WDR59: variants seen among roughly 807,000 people sequenced by gnomAD.
WDR59 encodes the protein GATOR2 complex protein WDR59.
In WDR59, 100 loss-of-function variants were observed where a neutral mutation model predicts 131.2. The ratio of observed to expected loss-of-function variants is 0.76; its 90% CI spans 0.65 to 0.90. WDR59 has a LOEUF of 0.90. Ranked by LOEUF, WDR59 falls within the 40% of genes least tolerant of loss-of-function variation. WDR59 has a pLI of 0.00. For synonymous variants in WDR59, 601 were observed against 466.2 expected, an observed-to-expected ratio of 1.29 and a Z score of -3.72; for missense variants, 1,203 against 1,262.2, an observed-to-expected ratio of 0.95 and a Z score of 0.71.
At position 74,873,320 on chromosome 16, in the gene WDR59, C is replaced by T. The variant is rs1261552320; in HGVS notation, c.*889G>A. The T allele has an allele frequency of 1.3e-5, 2 of 152,302 alleles. No individual in the cohort carries two copies. The highest frequency in any genetic ancestry group is 2.9e-5 in the Non-Finnish European group (2 of 68,120). The allele number at this position is 152,302 out of a possible 1,614,324, so 9.4% of individuals were successfully genotyped here. ...TTTTGCCTTCTAAAGTGTGGGATTACAGGCATGAGCCATGGGGCCTGGCCA... is the reference window on the plus strand; with the variant it reads ...TTTTGCCTTCTAAAGTGTGGGATTATAGGCATGAGCCATGGGGCCTGGCCA... On this transcript the variant is annotated 3_prime_UTR_variant, in exon 26 of 26. Coordinates refer to ENST00000262144, the MANE Select transcript of WDR59 (RefSeq NM_030581.4).
At chr16:74,942,175 G>A (rs948920960) in intron 7 of WDR59, among the ~76,000 whole-genome samples, 3 of 152,134 alleles carry the variant, frequency 2.0e-5, no homozygotes, top group African/African-American at 2.4e-5. Context: ...AGGTGTCCAT[G>A]GGCTGCTGCA....
At chr16:74,924,803 T>C (rs1597726079) in intron 8 of WDR59, among the ~76,000 whole-genome samples, 3 of 152,194 alleles carry the variant, frequency 2.0e-5, no homozygotes, top group South Asian at 4.1e-4. Flanking sequence ...CTTTTTTTAA[T>C]AGAGATGGGA....
In WDR59 at chr16:74,909,913, A is replaced by C; in HGVS notation, c.1394T>G (p.Leu465Arg). 1 of 1,605,728 alleles carries C rather than the reference A, an allele frequency of 6.2e-7. No individual in the cohort carries two copies. Among genetic ancestry groups the C allele is most frequent in the Non-Finnish European group, 8.5e-7 (1 of 1,176,668 alleles). ...CACTTTCTGCAGGGCTGTGTCCTTC[A>C]GGATCTAGAAAAGGCCCAAAACACA... ...STMKAKLLKI[L>R]KDTALQKVKR... is the part of the protein sequence containing the mutation. Residue 465 changes from leucine to arginine, a missense_variant, in exon 15 of 26, where the codon CTG becomes CGG. By Grantham distance (102) the Leu-to-Arg change is moderately radical. Transcript: ENST00000262144.
intron 10 of WDR59, among the ~76,000 whole-genome samples, chr16:74,921,274 C>CT (rs1452196795): frequency 6.6e-6 from 1 of 151,752 alleles, no homozygotes; most frequent in Non-Finnish European, 1.5e-5. Context: ...AGGCCCCAGT[C>CT]TTTATTATTC....
At chr16:74,918,091 T>C in intron 10 of WDR59, 83 bp from the exon 11 acceptor site, 3 of 1,357,912 alleles carry the variant, frequency 2.2e-6, no homozygotes, top group South Asian at 2.4e-5. Flanking sequence ...GTGAGATTCA[T>C]CCATCCATTC....
intron 9 of WDR59, among the ~76,000 whole-genome samples, chr16:74,923,079 A>T (rs1267935517): frequency 6.6e-6 from 1 of 152,240 alleles, no homozygotes; most frequent in Non-Finnish European, 1.5e-5. Context: ...AAGCACATTC[A>T]TATAAGTTAT....
At chr16:74,909,076 C>T in intron 16 of WDR59, 99 bp from the exon 17 acceptor site, 1 of 1,021,918 alleles carries the variant, frequency 9.8e-7, no homozygotes, top group South Asian at 1.4e-5. Context: ...CTCTGTACAC[C>T]TGAGGGTAAG....
At chr16:74,883,830 C>A (rs1292992766) in intron 25 of WDR59, among the ~76,000 whole-genome samples, 1 of 152,182 alleles carries the variant, frequency 6.6e-6, no homozygotes, top group Non-Finnish European at 1.5e-5. Context: ...GAATGCCATC[C>A]ACATGCTGGG....
intron 8 of WDR59, among the ~76,000 whole-genome samples, chr16:74,925,510 C>G (rs931142036): frequency 2.7e-5 from 4 of 148,650 alleles, no homozygotes; most frequent in Admixed American, 1.4e-4. Flanking sequence ...CAACACTGCA[C>G]TCCAGCCTGG....
rs750417210 is a variant in WDR59, at chr16:74,938,261, G to C, written c.540C>G (p.Pro180=). The change falls in exon 8 of 26, where the codon CCC becomes CCG. Residue 180 remains proline (P), a synonymous_variant. Transcript: ENST00000262144. ...CGGCTAGATATTCCACTGCTGTACT[G>C]GGTTTCTGCAACAGATCAGCACCTA... ...GDVRIWDKRK[P]STAVEYLAAH... 5.2e-6 allele frequency: 8 copies of C among 1,531,518 alleles called. No individual in the cohort carries two copies. Among genetic ancestry groups the C allele is most frequent in the Non-Finnish European group, 7.0e-6 (8 of 1,138,428 alleles). The allele number at this position is 1,531,518 out of a possible 1,614,324, so 94.9% of individuals were successfully genotyped here.
In WDR59 at chr16:74,915,993, G is replaced by T. The variant is rs919248768; in HGVS notation, c.1101C>A (p.Ala367=). The T allele has an allele frequency of 2.7e-5, 43 of 1,613,994 alleles. No homozygotes were observed. Among genetic ancestry groups the T allele is most frequent in the Non-Finnish European group, 3.6e-5 (42 of 1,180,034 alleles). The stretch of plus-strand genomic sequence containing the variant: ...GATTTCTAGGGGGATCTTCTTTTAG[G>T]GCTAGCAGGAGAGAGAAGTTCAATG... ...QHTASHGEEE[A]LKEDPPRNLL... is the part of the protein sequence containing the mutation. Residue 367 remains alanine (A), a splice_region_variant and synonymous_variant, in exon 13 of 26, where the codon GCC becomes GCA. Coordinates refer to ENST00000262144, the MANE Select transcript of WDR59 (RefSeq NM_030581.4).
intron 10 of WDR59, among the ~76,000 whole-genome samples, chr16:74,918,939 C>A (rs1966521216): frequency 1.3e-5 from 2 of 152,196 alleles, no homozygotes; most frequent in Admixed American, 1.3e-4. Context: ...GCCAGCCAGA[C>A]AGCAACTATT....
intron 10 of WDR59, among the ~76,000 whole-genome samples, chr16:74,919,113 T>A (rs1158948726): frequency 6.6e-6 from 1 of 152,028 alleles, no homozygotes; most frequent in East Asian, 1.9e-4. Context: ...GACCTGTGCC[T>A]CCCCCGCTGG....
chr16:74,973,656 G>A (rs1454857253), intron 1 of WDR59, among the ~76,000 whole-genome samples: 4 of 152,174 alleles, frequency 2.6e-5, no homozygotes, highest in African/African-American at 7.2e-5. Context: ...TTGTTCACAC[G>A]CTCAGCAATA....
chr16:74,899,310 G>A (rs1340813024), intron 18 of WDR59, among the ~76,000 whole-genome samples: 1 of 152,160 alleles, frequency 6.6e-6, no homozygotes, highest in African/African-American at 2.4e-5. Context: ...CAAAATAGTG[G>A]AAGCCTCTTA....
intron 20 of WDR59, among the ~76,000 whole-genome samples, chr16:74,892,072 A>C (rs796293932): frequency 9.8e-5 from 15 of 152,342 alleles, no homozygotes; most frequent in African/African-American, 3.6e-4. Context: ...AAGATGAAGA[A>C]AATTTAAATA....
At chr16:74,916,071 C>T (rs1283408455) in intron 12 of WDR59, 56 bp downstream of exon 12, 1 of 1,613,824 alleles carries the variant, frequency 6.2e-7, no homozygotes, top group Non-Finnish European at 8.5e-7. Flanking sequence ...GTATCTGCCA[C>T]AACTCTGCAA....
intron 20 of WDR59, among the ~76,000 whole-genome samples, chr16:74,890,912 G>A (rs1267563731): frequency 5.3e-5 from 8 of 151,912 alleles, no homozygotes; most frequent in African/African-American, 7.3e-5. Context: ...TCAGGAGTAC[G>A]AGACCAGCCT....
chr16:74,979,428 T>C (rs1434435408), intron 1 of WDR59, among the ~76,000 whole-genome samples: 2 of 150,924 alleles, frequency 1.3e-5, no homozygotes, highest in African/African-American at 4.9e-5. Context: ...ATCGAGCCAC[T>C]GCACTCCAGC....
Sources: allele counts gnomAD v4.1 joint callset (sites outside exome capture counted in the v4.1 genomes callset), GRCh38; gene constraint gnomAD v4.1.1; transcripts MANE v1.5; gene names NCBI Gene and HGNC (gene_info 2026-07-23, HGNC 2026-07-21).